Variants in POLR3B observed in about 807,000 individuals in gnomAD.
The protein encoded by POLR3B is RNA polymerase III subunit B.
In POLR3B, 96 loss-of-function variants were observed where a neutral mutation model predicts 147.4. The ratio of observed to expected loss-of-function variants is 0.65; its 90% CI spans 0.55 to 0.77. The LOEUF (loss-of-function observed/expected upper bound fraction) is 0.77. Among genes scored for constraint, POLR3B ranks in the 30% least tolerant of loss-of-function variants. The pLI, the probability that POLR3B is intolerant of heterozygous loss-of-function variation, is 0.00. For synonymous variants in POLR3B, 461 were observed against 485.9 expected (o/e 0.95, Z 0.67); for missense variants, 1,036 against 1,413.5 (o/e 0.73, Z 4.28).
intron 23 of POLR3B, among the ~76,000 whole-genome samples, chr12:106,473,160 G>C (rs1165858109): frequency 1.1e-5 from 1 of 87,092 alleles, no homozygotes; most frequent in Non-Finnish European, 2.1e-5. Context: ...GTTTGTCAAA[G>C]ATCAGATAGT....
intron 6 of POLR3B, among the ~76,000 whole-genome samples, chr12:106,373,686 G>A (rs548086799): frequency 2.0e-5 from 3 of 152,118 alleles, no homozygotes; most frequent in African/African-American, 7.2e-5. Context: ...CCCGGAAGGC[G>A]GAGGTTGCAG....
intron 2 of POLR3B, among the ~76,000 whole-genome samples, chr12:106,365,318 A>C (rs1424918578): frequency 2.0e-5 from 3 of 152,018 alleles, no homozygotes; most frequent in Non-Finnish European, 2.9e-5. Context: ...AAGCCGTAGG[A>C]AGCTATTGAG....
At chr12:106,397,518 T>G (rs903913777) in intron 10 of POLR3B, among the ~76,000 whole-genome samples, 3 of 152,148 alleles carry the variant, frequency 2.0e-5, no homozygotes, top group Admixed American at 1.3e-4. Context: ...GCATCATAGT[T>G]TAGTGATTTT....
intron 25 of POLR3B, among the ~76,000 whole-genome samples, chr12:106,499,015 G>A (rs1328190457): frequency 6.6e-6 from 1 of 151,626 alleles, no homozygotes; most frequent in Admixed American, 6.6e-5. Flanking sequence ...TATTAAAAAT[G>A]TGGAGTGCTT....
At chr12:106,482,803 G>A (rs1156248826) in intron 23 of POLR3B, among the ~76,000 whole-genome samples, 5 of 152,142 alleles carry the variant, frequency 3.3e-5, no homozygotes, top group African/African-American at 7.2e-5. Flanking sequence ...CACTTATGAT[G>A]TTTGAGGAAT....
chr12:106,454,954 C>T (rs994866340), intron 20 of POLR3B, among the ~76,000 whole-genome samples: 5 of 151,840 alleles, frequency 3.3e-5, no homozygotes, highest in Admixed American at 1.3e-4. Flanking sequence ...TTATTGGTTA[C>T]GTGAGACAAT....
intron 23 of POLR3B, among the ~76,000 whole-genome samples, chr12:106,489,878 GAAGTTTCT>G (rs2038385777): frequency 6.6e-6 from 1 of 152,116 alleles, no homozygotes; most frequent in Admixed American, 6.5e-5. Context: ...TGCTTGAATG[GAAGTTTCT>G]AAGTGGGAGG....
intron 18 of POLR3B, among the ~76,000 whole-genome samples, chr12:106,442,935 A>G (rs1208037030): frequency 6.6e-6 from 1 of 152,204 alleles, no homozygotes; most frequent in East Asian, 1.9e-4. Flanking sequence ...CTGCAGAAAT[A>G]TATTATGAAA....
Position 106,366,732 on chromosome 12 carries a change from C to T in POLR3B, c.227+10C>T. On this transcript the variant is annotated intron_variant, in intron 4 of 27. Transcript: ENST00000228347. Reference sequence around the variant, plus strand: ...CTATGTGGTACTTAAAGTAAGGAACCAACATTCTTAATTTGCTATGTGGGT... The same window carrying T: ...CTATGTGGTACTTAAAGTAAGGAACTAACATTCTTAATTTGCTATGTGGGT... 6.3e-7 allele frequency: 1 copy of T among 1,594,512 alleles called. No individual in the cohort carries two copies. The highest frequency in any genetic ancestry group is 1.1e-5 in the South Asian group (1 of 90,632).
intron 23 of POLR3B, among the ~76,000 whole-genome samples, chr12:106,478,864 G>A (rs2038221398): frequency 6.6e-6 from 1 of 151,990 alleles, no homozygotes; most frequent in South Asian, 2.1e-4. Context: ...AAAAGTCTAG[G>A]TTGAAAATTG....
chr12:106,367,461 C>G (rs2036550618), intron 4 of POLR3B, among the ~76,000 whole-genome samples: 1 of 152,170 alleles, frequency 6.6e-6, no homozygotes, highest in Admixed American at 6.5e-5. Flanking sequence ...AGGAATCAAT[C>G]CAGAGCTCCG....
intron 11 of POLR3B, among the ~76,000 whole-genome samples, chr12:106,407,906 A>C (rs1212114307): frequency 6.6e-6 from 1 of 152,224 alleles, no homozygotes; most frequent in Admixed American, 6.5e-5. Flanking sequence ...GGTTATACAT[A>C]ATCCAGTGAG....
intron 26 of POLR3B, among the ~76,000 whole-genome samples, chr12:106,503,644 C>T (rs973091316): frequency 6.6e-6 from 1 of 152,232 alleles, no homozygotes. Context: ...GTTTCCCCCA[C>T]AGTCTATTCT....
chr12:106,489,094 C>T (rs1477483342), intron 23 of POLR3B, among the ~76,000 whole-genome samples: 1 of 152,148 alleles, frequency 6.6e-6, no homozygotes, highest in Non-Finnish European at 1.5e-5. Flanking sequence ...AACAAAGGTC[C>T]TGTGGATCAC....
intron 1 of POLR3B, among the ~76,000 whole-genome samples, chr12:106,361,705 T>C (rs2036471533): frequency 6.6e-6 from 1 of 151,994 alleles, no homozygotes; most frequent in African/African-American, 2.4e-5. Flanking sequence ...TTGTTTGAAA[T>C]CCTCCATTCC....
intron 9 of POLR3B, 103 bp from the exon 10 acceptor site, chr12:106,392,928 T>C: frequency 1.4e-6 from 2 of 1,445,472 alleles, no homozygotes; most frequent in Non-Finnish European, 1.9e-6. Context: ...GAGCTAGCTT[T>C]TGCTTAGAAG....
At chr12:106,393,790 A>G (rs569633038) in intron 10 of POLR3B, among the ~76,000 whole-genome samples, 5 of 151,812 alleles carry the variant, frequency 3.3e-5, no homozygotes, top group African/African-American at 7.2e-5. Context: ...ACACACACAC[A>G]CACACACACA....
Position 106,472,407 on chromosome 12 carries a change from T to C in POLR3B, c.2713+8787T>C, listed in dbSNP as rs1163847643. The stretch of plus-strand genomic sequence containing the variant: ...ATGGGATGGCTGGGTCAAATGGTAT[T>C]TCTAGTTCTAGATCCCTGAGGAATC... On this transcript the variant is annotated intron_variant, in intron 23 of 27. Transcript: ENST00000228347. 3.3e-5 allele frequency among the ~76,000 whole-genome samples: 5 copies of C among 149,826 alleles called. No individual in the cohort carries two copies. The East Asian group carries it at 5.9e-4, about 18-fold the overall frequency.
chr12:106,497,068 G>T (rs758518358), intron 25 of POLR3B, 150 bp downstream of exon 25: 2 of 701,164 alleles, frequency 2.9e-6, no homozygotes, highest in South Asian at 1.6e-5. Flanking sequence ...CTTCGAATGC[G>T]GTCTGACACA....
Sources: allele counts gnomAD v4.1 joint callset (sites outside exome capture counted in the v4.1 genomes callset), GRCh38; gene constraint gnomAD v4.1.1; transcripts MANE v1.5; gene names NCBI Gene and HGNC (gene_info 2026-07-23, HGNC 2026-07-21).